Variants in B3GALT1 observed in about 807,000 individuals in gnomAD.
B3GALT1 encodes the protein UDP-Gal:betaGlcNAc beta 1,3-galactosyltransferase, polypeptide 1.
Under a neutral mutation model 23.2 loss-of-function variants are expected in B3GALT1, and 10 were observed. The observed-to-expected ratio is 0.43, with a 90% CI of 0.27 to 0.73. The LOEUF is 0.73. Among genes scored for constraint, B3GALT1 ranks in the 30% least tolerant of loss-of-function variants. B3GALT1 has a pLI of 0.21. For synonymous variants in B3GALT1, 156 were observed against 141.5 expected, an observed-to-expected ratio of 1.10 and a Z score of -0.73; for missense variants, 299 against 405.4, an observed-to-expected ratio of 0.74 and a Z score of 2.25.
intron 2 of B3GALT1, among the ~76,000 whole-genome samples, chr2:167,545,970 T>C (rs11884537): frequency 0.057 from 8,631 of 152,226 alleles, 731 homozygotes; most frequent in African/African-American, 0.18. Context: ...CTTATATACA[T>C]AGGCTGAAGG....
At chr2:167,580,482 C>G (rs978290644) in intron 2 of B3GALT1, among the ~76,000 whole-genome samples, 1 of 152,004 alleles carries the variant, frequency 6.6e-6, no homozygotes, top group Non-Finnish European at 1.5e-5. Context: ...ATCCCCCAGC[C>G]TTGGGACTTT....
intron 3 of B3GALT1, among the ~76,000 whole-genome samples, chr2:167,812,990 A>ACCCCCCCCCCCCCC (rs1480592234): frequency 3.6e-5 from 2 of 55,304 alleles, no homozygotes; most frequent in African/African-American, 2.0e-4. Flanking sequence ...CACCACCACC[A>ACCCCCCCCCCCCCC]CCCCCACCCC....
At chr2:167,653,683 C>G (rs116749473) in intron 3 of B3GALT1, among the ~76,000 whole-genome samples, 2 of 152,094 alleles carry the variant, frequency 1.3e-5, no homozygotes, top group African/African-American at 4.8e-5. Context: ...CCTCATTTGC[C>G]GAGCAGTACC....
intron 4 of B3GALT1, among the ~76,000 whole-genome samples, chr2:167,841,793 A>T (rs1340392068): frequency 6.6e-6 from 1 of 152,256 alleles, no homozygotes; most frequent in East Asian, 1.9e-4. Flanking sequence ...AGCTTTTCAG[A>T]TTCTATATTT....
chr2:167,296,804 C>A (rs927389181), intron 1 of B3GALT1, among the ~76,000 whole-genome samples: 4 of 152,044 alleles, frequency 2.6e-5, no homozygotes, highest in African/African-American at 9.7e-5. Context: ...AGATCCCCAC[C>A]CTTTTGCAGT....
chr2:167,746,603 G>A (rs549976140), intron 3 of B3GALT1, among the ~76,000 whole-genome samples: 6 of 152,250 alleles, frequency 3.9e-5, no homozygotes, highest in African/African-American at 1.2e-4. Context: ...CAATGGAGCC[G>A]CTGTCCCACT....
At chr2:167,804,315 TG>T (rs1326162387) in intron 3 of B3GALT1, among the ~76,000 whole-genome samples, 1 of 138,404 alleles carries the variant, frequency 7.2e-6, no homozygotes, top group East Asian at 2.1e-4. Context: ...TGTTTTGTTT[TG>T]TTTTTTTCTT....
At chr2:167,702,530 A>G (rs577843660) in intron 3 of B3GALT1, among the ~76,000 whole-genome samples, 7 of 152,326 alleles carry the variant, frequency 4.6e-5, no homozygotes, top group East Asian at 1.9e-4. Flanking sequence ...CAGGAATTAA[A>G]TGTTCCAGAT....
chr2:167,869,459 C>A lies in B3GALT1; in HGVS notation c.420C>A (p.Ile140=), dbSNP rs149194939. The A allele has an allele frequency of 1.2e-6, 2 of 1,613,762 alleles. No individual in the cohort carries two copies. The highest frequency in any genetic ancestry group is 1.7e-6 in the Non-Finnish European group (2 of 1,179,746). The change falls in exon 5 of 5, where the codon ATC becomes ATA. Residue 140 remains isoleucine (I), a synonymous_variant. Coordinates refer to ENST00000392690, the MANE Select transcript of B3GALT1 (RefSeq NM_020981.4). This position sits in a 1 kb window ranked among gnomAD's most constrained non-coding sequence, Gnocchi z 6.4. ...VEQESQIFHD[I]IVEDFIDSYH... Reference sequence around the variant, plus strand: ...AAGAGAGCCAAATCTTCCATGATATCATCGTGGAGGACTTTATTGACTCCT... The same window carrying A: ...AAGAGAGCCAAATCTTCCATGATATAATCGTGGAGGACTTTATTGACTCCT...
intron 1 of B3GALT1, among the ~76,000 whole-genome samples, chr2:167,304,954 A>G (rs1362150837): frequency 6.6e-6 from 1 of 152,144 alleles, no homozygotes; most frequent in Non-Finnish European, 1.5e-5. Context: ...TCAAGCTGAG[A>G]GCAAATTCAC....
At chr2:167,655,319 C>T (rs757246059) in intron 3 of B3GALT1, among the ~76,000 whole-genome samples, 28 of 152,194 alleles carry the variant, frequency 1.8e-4, no homozygotes, top group African/African-American at 4.8e-4. Context: ...CTCATCAGAG[C>T]AGAAATTAAC....
chr2:167,454,476 G>A (rs1699137815), intron 1 of B3GALT1, among the ~76,000 whole-genome samples: 1 of 152,180 alleles, frequency 6.6e-6, no homozygotes, highest in Non-Finnish European at 1.5e-5. Flanking sequence ...GAGGAGTCTA[G>A]GGAGCTGTAC....
intron 1 of B3GALT1, among the ~76,000 whole-genome samples, chr2:167,421,309 A>G (rs552862166): frequency 2.0e-5 from 3 of 152,344 alleles, no homozygotes; most frequent in Admixed American, 2.0e-4. Flanking sequence ...ACAAGGAAGA[A>G]CTTTCCATTA....
intron 2 of B3GALT1, among the ~76,000 whole-genome samples, chr2:167,522,241 C>T (rs1407417817): frequency 6.6e-6 from 1 of 151,732 alleles, no homozygotes; most frequent in Non-Finnish European, 1.5e-5. Context: ...CTGGAGGCTG[C>T]GTTTGAAAAT....
rs545400273 is a variant in B3GALT1, at chr2:167,387,385, A to C, written c.-511+94051A>C. On this transcript the variant is annotated intron_variant, in intron 1 of 4. Coordinates refer to ENST00000392690, the MANE Select transcript of B3GALT1 (RefSeq NM_020981.4). ...TGAAGCTTCAAAATTGTAAAATTGGATCTGGATAAGGCCCTGTAGAGGAGG... is the reference window on the plus strand; with the variant it reads ...TGAAGCTTCAAAATTGTAAAATTGGCTCTGGATAAGGCCCTGTAGAGGAGG... Among the ~76,000 whole-genome samples the C allele has an allele frequency of 4.6e-5, 7 of 152,320 alleles. 1 individual carries two copies. The South Asian group carries it at 1.5e-3, about 32-fold the overall frequency.
intron 1 of B3GALT1, among the ~76,000 whole-genome samples, chr2:167,488,973 C>CA (rs5836143): frequency 2.5e-4 from 38 of 150,338 alleles, no homozygotes; most frequent in African/African-American, 6.1e-4. Context: ...TATGATATTA[C>CA]AAAAAAAAAA....
chr2:167,643,661 C>G (rs924335139), intron 2 of B3GALT1, among the ~76,000 whole-genome samples: 1 of 152,190 alleles, frequency 6.6e-6, no homozygotes, highest in African/African-American at 2.4e-5. Flanking sequence ...GGAGAGGTCT[C>G]CATACACCCA....
chr2:167,644,529 C>T (rs1558935168), intron 2 of B3GALT1, among the ~76,000 whole-genome samples: 1 of 152,056 alleles, frequency 6.6e-6, no homozygotes, highest in Non-Finnish European at 1.5e-5. Flanking sequence ...GCCTGTAATC[C>T]CAGCACTTTG....
intron 1 of B3GALT1, among the ~76,000 whole-genome samples, chr2:167,422,846 G>A (rs1698568554): frequency 6.6e-6 from 1 of 152,046 alleles, no homozygotes; most frequent in African/African-American, 2.4e-5. Context: ...TCCTGAAGTG[G>A]ACACCAGCCA....
Sources: allele counts gnomAD v4.1 joint callset (sites outside exome capture counted in the v4.1 genomes callset), GRCh38; gene constraint gnomAD v4.1.1; non-coding constraint Gnocchi (gnomAD v3.1); transcripts MANE v1.5; gene names NCBI Gene and HGNC (gene_info 2026-07-23, HGNC 2026-07-21).